GPHN: variants seen among roughly 807,000 people sequenced by gnomAD.
GPHN encodes the protein gephyrin.
A neutral mutation model predicts 95.5 loss-of-function variants in GPHN; 17 were observed. The observed-to-expected ratio is 0.18, with a 90% CI of 0.12 to 0.27. The LOEUF (loss-of-function observed/expected upper bound fraction) is 0.27. GPHN is among the 10% of genes least tolerant of loss of function. The pLI is 1.00. For synonymous variants in GPHN, 320 were observed against 322.5 expected (o/e 0.99, Z 0.08); for missense variants, 660 against 978.1 (o/e 0.67, Z 4.34).
In GPHN at chr14:67,134,953, C is replaced by CTTTTTTTTTTTTT. The variant is rs57933607; in HGVS notation, c.1749-8395_1749-8383dup. On this transcript the variant is annotated intron_variant, in intron 17 of 22. Transcript: ENST00000478722. ...CTTTTTTTCTCTTTCTTTCTTTCTT[C>CTTTTTTTTTTTTT]TTTTTTTTTTTTTTTTTTTTTTTTT... Among the ~76,000 whole-genome samples, 25 of 45,240 alleles carry CTTTTTTTTTTTTT rather than the reference C, an allele frequency of 5.5e-4. 1 individual carries two copies. The highest frequency in any genetic ancestry group is 1.0e-3 in the African/African-American group (10 of 9,732). 29.7% of individuals were successfully genotyped at this position (45,240 alleles called of 152,430 possible).
chr14:67,253,690 C>CA, the GPHN span, among the ~76,000 whole-genome samples: 5 of 151,836 alleles, frequency 3.3e-5, no homozygotes, highest in Non-Finnish European at 7.4e-5. Context: ...ACAAAAAATA[C>CA]AAAAAAATTA....
intron 3 of GPHN, among the ~76,000 whole-genome samples, chr14:66,806,192 G>A (rs78599595): frequency 0.016 from 2,381 of 152,206 alleles, 33 homozygotes; most frequent in Non-Finnish European, 0.018. Flanking sequence ...GCTCTACGTT[G>A]TCCCCTTTCA....
chr14:67,344,821 C>T, the GPHN span, among the ~76,000 whole-genome samples: 1 of 150,244 alleles, frequency 6.7e-6, no homozygotes, highest in Non-Finnish European at 1.5e-5. Flanking sequence ...ATCCAGGCTG[C>T]AGTTAGCCAA....
the GPHN span, among the ~76,000 whole-genome samples, chr14:67,490,378 G>A: frequency 2.6e-5 from 4 of 152,206 alleles, no homozygotes; most frequent in South Asian, 2.1e-4. Context: ...CCAACATCAC[G>A]CAAGGAAGAC....
chr14:67,560,628 A>G, the GPHN span, among the ~76,000 whole-genome samples: 1 of 152,148 alleles, frequency 6.6e-6, no homozygotes, highest in South Asian at 2.1e-4. Context: ...TAGGAAACTC[A>G]GGACTTGAAG....
chr14:67,486,812 C>G, the GPHN span, among the ~76,000 whole-genome samples: 3 of 152,180 alleles, frequency 2.0e-5, no homozygotes, highest in African/African-American at 7.2e-5. Context: ...GCCATGTGGC[C>G]ATAAGACGGC....
At chr14:67,495,331 G>A in the GPHN span, among the ~76,000 whole-genome samples, 14 of 152,142 alleles carry the variant, frequency 9.2e-5, no homozygotes, top group Admixed American at 3.3e-4. Context: ...CAACAACCTT[G>A]CAGAAGGCAT....
At chr14:66,929,677 A>G (rs1220613835) in intron 8 of GPHN, among the ~76,000 whole-genome samples, 2 of 146,976 alleles carry the variant, frequency 1.4e-5, no homozygotes, top group Admixed American at 6.8e-5. Context: ...ATCTTTTTCC[A>G]TCCCTTTATT....
At chr14:67,296,465 G>A in the GPHN span, among the ~76,000 whole-genome samples, 1 of 151,396 alleles carries the variant, frequency 6.6e-6, no homozygotes, top group Non-Finnish European at 1.5e-5. Context: ...GGCGGGTGTG[G>A]TGGTACTCAG....
chr14:66,547,153 G>A (rs2059634703), intron 1 of GPHN, among the ~76,000 whole-genome samples: 1 of 152,094 alleles, frequency 6.6e-6, no homozygotes, highest in African/African-American at 2.4e-5. Flanking sequence ...TAGAATTAAA[G>A]CAGGAGGAAG....
intron 1 of GPHN, among the ~76,000 whole-genome samples, chr14:66,644,318 GT>G (rs2064609292): frequency 6.6e-6 from 1 of 151,892 alleles, no homozygotes; most frequent in East Asian, 1.9e-4. Context: ...TAAACCAGTG[GT>G]TTAGTATGCT....
chr14:67,138,871 G>A (rs1303072116), intron 17 of GPHN, among the ~76,000 whole-genome samples: 1 of 135,244 alleles, frequency 7.4e-6, no homozygotes, highest in Non-Finnish European at 1.5e-5. Flanking sequence ...CATACCTCTT[G>A]CCACAGCATC....
At chr14:67,235,100 G>A in the GPHN span, among the ~76,000 whole-genome samples, 1 of 151,254 alleles carries the variant, frequency 6.6e-6, no homozygotes, top group African/African-American at 2.4e-5. Context: ...AGGTTGCAGT[G>A]AGCTGAGATC....
the GPHN span, chr14:67,334,527 GATTT>G: frequency 6.6e-6 from 1 of 152,444 alleles, no homozygotes; most frequent in Non-Finnish European, 1.5e-5. Flanking sequence ...ATATTTGATT[GATTT>G]TTTTTCTTCT....
At chr14:67,715,644 G>C in the GPHN span, among the ~76,000 whole-genome samples, 1 of 152,158 alleles carries the variant, frequency 6.6e-6, no homozygotes, top group Non-Finnish European at 1.5e-5. Context: ...CCAATGCCAA[G>C]TTCGTTCTTT....
Position 67,091,520 on chromosome 14 carries a change from G to C in GPHN, c.1237+2445G>C, listed in dbSNP as rs549641699. On this transcript the variant is annotated intron_variant, in intron 12 of 22. Transcript: ENST00000478722. ...ATGACAAAGAATTCTTACTTCCAGAGTAGAGCAAACAGCTACAGTAGATGA... is the reference window on the plus strand; with the variant it reads ...ATGACAAAGAATTCTTACTTCCAGACTAGAGCAAACAGCTACAGTAGATGA... 2.6e-5 allele frequency among the ~76,000 whole-genome samples: 4 copies of C among 151,948 alleles called. No individual in the cohort carries two copies. In the East Asian group the frequency reaches 7.7e-4, roughly 29 times the overall value.
intron 5 of GPHN, among the ~76,000 whole-genome samples, chr14:66,894,691 G>A (rs2064732321): frequency 1.3e-5 from 2 of 152,098 alleles, no homozygotes; most frequent in South Asian, 2.1e-4. Context: ...TCAACAAGTG[G>A]GCGAAGGATA....
chr14:66,785,733 C>CAAAAAAAAAAAA (rs1389067552), intron 3 of GPHN, among the ~76,000 whole-genome samples: 4 of 106,876 alleles, frequency 3.7e-5, no homozygotes, highest in East Asian at 6.1e-4. Flanking sequence ...AAAAAACAAA[C>CAAAAAAAAAAAA]AAAAAAAAAA....
chr14:67,414,503 G>C, the GPHN span, among the ~76,000 whole-genome samples: 1 of 152,254 alleles, frequency 6.6e-6, no homozygotes, highest in Admixed American at 6.5e-5. Context: ...AGCTTTCAGA[G>C]AGACACCCCT....
Sources: gnomAD v4.1 joint callset for allele counts (sites outside exome capture counted in the v4.1 genomes callset) on GRCh38, gnomAD v4.1.1 for gene constraint, MANE v1.5 for transcripts, NCBI Gene and HGNC (gene_info 2026-07-23, HGNC 2026-07-21) for gene names.